OR8K3: variants seen among roughly 807,000 people sequenced by gnomAD.
OR8K3 encodes olfactory receptor 8K3.
For synonymous variants in OR8K3, 167 were observed against 138.8 expected (o/e 1.20, Z -1.43); for missense variants, 448 against 367.4 (o/e 1.22, Z -1.79).
At position 56,319,161 on chromosome 11, in the gene OR8K3, T is replaced by C. The variant is rs1854491237; in HGVS notation, c.855T>C (p.Asn285=). The part of the protein sequence containing the change: ...IFYTLVIPML[N]PLIYSLRNKD... ...ACACCCTGGTTATCCCCATGTTGAA[T>C]CCCTTGATCTATAGTTTACGAAACA... The change falls in exon 3 of 3, where the codon AAT becomes AAC. Residue 285 remains asparagine, a synonymous_variant. Transcript: ENST00000641662. The C allele has an allele frequency of 6.2e-7, 1 of 1,613,140 alleles. No homozygotes were observed. Among genetic ancestry groups the C allele is most frequent in the African/African-American group, 1.3e-5 (1 of 74,894 alleles).
rs1403520219 is a variant in OR8K3, at chr11:56,319,072, T to A, written c.766T>A (p.Phe256Ile). The A allele has an allele frequency of 1.2e-6, 2 of 1,614,016 alleles. No individual in the cohort carries two copies. Among genetic ancestry groups the A allele is most frequent in the African/African-American group, 2.7e-5 (2 of 74,922 alleles). Residue 256 changes from phenylalanine (F) to isoleucine (I), a missense_variant, in exon 3 of 3, where the codon TTC (phenylalanine) becomes ATC (isoleucine). By Grantham distance (21) the Phe-to-Ile change is conservative. Transcript: ENST00000641662. ...CATAGTGTTCTATGGGACTTTGCTT[T>A]TCATGTACGTGCAGCCCAAGTCCAG... ...VVIVFYGTLL[F>I]MYVQPKSSHS...
chr11:56,315,276 T>C (rs1446003788), intron 1 of OR8K3, 109 bp downstream of exon 1: 1 of 152,160 alleles, frequency 6.6e-6, no homozygotes, highest in Non-Finnish European at 1.5e-5. Context: ...GACATAACCA[T>C]AGTAAAGTGT....
chr11:56,318,781 G>T lies in OR8K3; in HGVS notation c.475G>T (p.Val159Phe). 1.9e-6 allele frequency: 3 copies of T among 1,613,914 alleles called. No homozygotes were observed. Among genetic ancestry groups the T allele is most frequent in the Non-Finnish European group, 2.5e-6 (3 of 1,179,872 alleles). ...YLYCTFISLLVTIKIFTLSFC... is the reference protein window; with the variant it reads ...YLYCTFISLLFTIKIFTLSFC... Reference sequence around the variant, plus strand: ...CTATTGCACATTCATTTCTCTTCTAGTCACCATAAAGATTTTTACTTTATC... The same window carrying T: ...CTATTGCACATTCATTTCTCTTCTATTCACCATAAAGATTTTTACTTTATC... Residue 159 changes from valine to phenylalanine, a missense_variant, in exon 3 of 3, where the codon GTC (valine) becomes TTC (phenylalanine). Physicochemically the swap from Val to Phe is conservative, Grantham distance 50. Transcript: ENST00000641662.
chr11:56,316,178 CATCTACT>C (rs1854440933), intron 2 of OR8K3, 121 bp downstream of exon 2: 1 of 151,946 alleles, frequency 6.6e-6, no homozygotes, highest in African/African-American at 2.4e-5. Context: ...CTAACTTTTC[CATCTACT>C]GCCACACATT....
At chr11:56,317,076 C>T (rs1386257798) in intron 2 of OR8K3, among the ~76,000 whole-genome samples, 4 of 151,922 alleles carry the variant, frequency 2.6e-5, no homozygotes, top group Non-Finnish European at 5.9e-5. Context: ...AGTATTACAT[C>T]CTACTTGACC....
chr11:56,315,834 T>A (rs1457201081), intron 1 of OR8K3, among the ~76,000 whole-genome samples, 166 bp from the exon 2 acceptor site: 1 of 151,820 alleles, frequency 6.6e-6, no homozygotes, highest in African/African-American at 2.4e-5. Context: ...GACTGTTAAG[T>A]ACCCAGTTTT....
At chr11:56,317,858 C>T (rs1451615568) in intron 2 of OR8K3, among the ~76,000 whole-genome samples, 2 of 151,814 alleles carry the variant, frequency 1.3e-5, no homozygotes, top group African/African-American at 2.4e-5. Context: ...TATCTATCTA[C>T]CCATTAACTA....
rs1054929588 is a variant in OR8K3 at position 56,318,456 on chromosome 11, G to C, written c.150G>C (p.Lys50Asn). ...MGNLGMIVLT[K>N]LDSRLQTPMY... ...ATTTGGGCATGATTGTCCTCACCAA[G>C]TTGGACTCCAGGTTGCAAACCCCTA... Residue 50 changes from lysine (K) to asparagine (N), a missense_variant, in exon 3 of 3, where the codon AAG (lysine) becomes AAC (asparagine). Coordinates refer to ENST00000641662, the MANE Select transcript of OR8K3 (RefSeq NM_001005202.2). 1 of 1,613,988 alleles carries C rather than the reference G, an allele frequency of 6.2e-7. No homozygotes were observed. The highest frequency in any genetic ancestry group is 8.5e-7 in the Non-Finnish European group (1 of 1,179,988).
rs1854504305 is a variant in OR8K3 at position 56,320,015 on chromosome 11, T to A, written c.*770T>A. 6.6e-6 allele frequency: 1 copy of A among 152,164 alleles called. No individual in the cohort carries two copies. Among genetic ancestry groups the A allele is most frequent in the African/African-American group, 2.4e-5 (1 of 41,436 alleles). The allele number at this position is 152,164 out of a possible 1,614,324, so 9.4% of individuals were successfully genotyped here. A position where few individuals can be genotyped will look rare whatever the true frequency, so the allele number is the denominator to read the frequency against. ...CTCAGGTTTATTCTTTCTCTCTAGT[T>A]GTTCTTGCTTAATAACTGCCTTTTT... On this transcript the variant is annotated 3_prime_UTR_variant, in exon 3 of 3. Coordinates refer to ENST00000641662, the MANE Select transcript of OR8K3 (RefSeq NM_001005202.2).
Position 56,318,410 on chromosome 11 carries a change from A to G in OR8K3, c.104A>G (p.Tyr35Cys), listed in dbSNP as rs759115963. ...APLFALFLMI[Y>C]VISVMGNLGM... is the part of the protein sequence containing the mutation. Reference sequence around the variant, plus strand: ...TTATTTGCATTGTTCCTCATGATCTATGTGATCTCAGTGATGGGCAATTTG... The same window carrying G: ...TTATTTGCATTGTTCCTCATGATCTGTGTGATCTCAGTGATGGGCAATTTG... Residue 35 changes from tyrosine (Y) to cysteine (C), a missense_variant, in exon 3 of 3, where the codon TAT (tyrosine) becomes TGT (cysteine). Transcript: ENST00000641662. The G allele has an allele frequency of 1.2e-6, 2 of 1,613,848 alleles. No homozygotes were observed. The highest frequency in any genetic ancestry group is 2.2e-5 in the East Asian group (1 of 44,872).
rs199904314 is a variant in OR8K3, at chr11:56,318,945, A to G, written c.639A>G (p.Ile213Met). 3.7e-6 allele frequency: 6 copies of G among 1,614,026 alleles called. No individual in the cohort carries two copies. The highest frequency in any genetic ancestry group is 5.1e-6 in the Non-Finnish European group (6 of 1,180,016). The change falls in exon 3 of 3, where the codon ATA becomes ATG. Residue 213 changes from isoleucine to methionine, a missense_variant. Physicochemically the swap from Ile to Met is conservative, Grantham distance 10. Coordinates refer to ENST00000641662, the MANE Select transcript of OR8K3 (RefSeq NM_001005202.2). ...TTGATTTGATTTCATCTCTTCTGAT[A>G]GTTCTTTTATCTTACCTGCTCATCC... Reference protein sequence around the residue: ...AAIDLISSLLIVLLSYLLILV... With the variant: ...AAIDLISSLLMVLLSYLLILV...
Position 56,318,668 on chromosome 11 carries a change from A to C in OR8K3, c.362A>C (p.Asp121Ala). Reference sequence around the variant, plus strand: ...TTTATTCTCTCAGCCATGTCCTACGACCTCTATGTGGCCATCTGTAACCCT... The same window carrying C: ...TTTATTCTCTCAGCCATGTCCTACGCCCTCTATGTGGCCATCTGTAACCCT... ...ELFILSAMSY[D>A]LYVAICNPLL... The change falls in exon 3 of 3, where the codon GAC (aspartate) becomes GCC (alanine). Residue 121 changes from aspartate to alanine, a missense_variant. Coordinates refer to ENST00000641662, the MANE Select transcript of OR8K3 (RefSeq NM_001005202.2). 1 of 1,613,850 alleles carries C rather than the reference A, an allele frequency of 6.2e-7. No homozygotes were observed.
chr11:56,319,022 C>T lies in OR8K3; in HGVS notation c.716C>T (p.Thr239Ile), dbSNP rs141798213. ...GCTGGCAGACAAAAGGCTTTTTCTA[C>T]CTGTGGAGCCCACCTGACAGTGGTC... ...NSAGRQKAFS[T>I]CGAHLTVVIV... is the part of the protein sequence containing the mutation. The change falls in exon 3 of 3, where the codon ACC becomes ATC. Residue 239 changes from threonine (T) to isoleucine (I), a missense_variant. Coordinates refer to ENST00000641662, the MANE Select transcript of OR8K3 (RefSeq NM_001005202.2). The T allele has an allele frequency of 2.7e-4, 440 of 1,614,108 alleles. No individual in the cohort carries two copies. Among genetic ancestry groups the T allele is most frequent in the Non-Finnish European group, 3.7e-4 (433 of 1,179,978 alleles).
Position 56,318,699 on chromosome 11 carries a change from A to G in OR8K3, c.393A>G (p.Leu131=). 6.2e-7 allele frequency: 1 copy of G among 1,613,932 alleles called. No individual in the cohort carries two copies. Among genetic ancestry groups the G allele is most frequent in the Non-Finnish European group, 8.5e-7 (1 of 1,179,894 alleles). ...ATGTGGCCATCTGTAACCCTCTGCT[A>G]TACACAGTAATCATGTCACGAAGGG... ...DLYVAICNPL[L]YTVIMSRRVC... is the part of the protein sequence containing the mutation. The change falls in exon 3 of 3, where the codon CTA becomes CTG. Residue 131 remains leucine, a synonymous_variant. Transcript: ENST00000641662.
At position 56,320,330 on chromosome 11, in the gene OR8K3, C is replaced by G. The variant is rs750991036; in HGVS notation, c.*1085C>G. 6.6e-6 allele frequency: 1 copy of G among 152,230 alleles called. No homozygotes were observed. The highest frequency in any genetic ancestry group is 2.4e-5 in the African/African-American group (1 of 41,470). The allele number at this position is 152,230 out of a possible 1,614,324, so 9.4% of individuals were successfully genotyped here. A position where few individuals can be genotyped will look rare whatever the true frequency, so the allele number is the denominator to read the frequency against. ...TACTGTATCTATCTGCTGGCTATTA[C>G]AGATGTCCTTTGACAGTTACAGACC... On this transcript the variant is annotated 3_prime_UTR_variant, in exon 3 of 3. Coordinates refer to ENST00000641662, the MANE Select transcript of OR8K3 (RefSeq NM_001005202.2).
intron 2 of OR8K3, among the ~76,000 whole-genome samples, chr11:56,316,431 AT>A (rs35985545): frequency 0.56 from 85,039 of 151,348 alleles, 24,110 homozygotes; most frequent in East Asian, 0.69. Flanking sequence ...GGGGCTTACG[AT>A]TTTTTTTAAC....
chr11:56,315,530 T>C (rs919303546), intron 1 of OR8K3, among the ~76,000 whole-genome samples: 5 of 152,120 alleles, frequency 3.3e-5, no homozygotes, highest in African/African-American at 4.8e-5. Context: ...AAATATATTT[T>C]TAATGAAAGA....
At chr11:56,317,522 T>C (rs182836650) in intron 2 of OR8K3, among the ~76,000 whole-genome samples, 20 of 152,268 alleles carry the variant, frequency 1.3e-4, no homozygotes, top group African/African-American at 4.8e-4. Flanking sequence ...ATGCCTAATA[T>C]CTGTCAACTC....
At chr11:56,318,255 G>T in intron 2 of OR8K3, 29 bp from the exon 3 acceptor site, 1 of 1,289,994 alleles carries the variant, frequency 7.8e-7, no homozygotes, top group Non-Finnish European at 1.1e-6. Flanking sequence ...ATAGAGGAAA[G>T]CTATTGACAA....
Sources: allele counts gnomAD v4.1 joint callset (sites outside exome capture counted in the v4.1 genomes callset), GRCh38; gene constraint gnomAD v4.1.1; transcripts MANE v1.5; gene names NCBI Gene and HGNC (gene_info 2026-07-23, HGNC 2026-07-21).